The following CSMD1 variants were observed in gnomAD, a reference collection of about 807,000 sequenced individuals.
CSMD1 encodes CUB and Sushi multiple domains 1.
A neutral mutation model predicts 417.5 loss-of-function variants in CSMD1; 213 were observed. The observed-to-expected ratio is 0.51, with a 90% confidence interval of 0.46 to 0.57. The LOEUF is 0.57. CSMD1 is among the 20% of genes least tolerant of loss of function. CSMD1 has a pLI of 0.00. For synonymous variants in CSMD1, 2,862 were observed against 1,736.8 expected, an observed-to-expected ratio of 1.65 and a Z score of -16.11; for missense variants, 6,923 against 4,529.7, an observed-to-expected ratio of 1.53 and a Z score of -15.17.
At chr8:3,018,014 T>A (rs191223538) in intron 52 of CSMD1, among the ~76,000 whole-genome samples, 1 of 152,152 alleles carries the variant, frequency 6.6e-6, no homozygotes, top group African/African-American at 2.4e-5. Context: ...ATCCATTTTT[T>A]AAATTATGCA....
At chr8:3,668,547 C>A (rs992157452) in intron 7 of CSMD1, among the ~76,000 whole-genome samples, 1 of 152,078 alleles carries the variant, frequency 6.6e-6, no homozygotes, top group African/African-American at 2.4e-5. Flanking sequence ...TTCCTTACCA[C>A]AGGTAATATG....
intron 23 of CSMD1, among the ~76,000 whole-genome samples, chr8:3,326,755 G>A (rs1438978182): frequency 1.3e-5 from 2 of 152,100 alleles, no homozygotes; most frequent in Non-Finnish European, 2.9e-5. Context: ...CTCATCTATT[G>A]TGATATTTCC....
chr8:4,460,629 A>G (rs1799755456), intron 2 of CSMD1, among the ~76,000 whole-genome samples: 1 of 152,156 alleles, frequency 6.6e-6, no homozygotes, highest in African/African-American at 2.4e-5. Context: ...GGTAGAGAAT[A>G]TTACTATGGA....
At chr8:4,498,231 C>A (rs1802074561) in intron 2 of CSMD1, among the ~76,000 whole-genome samples, 1 of 152,154 alleles carries the variant, frequency 6.6e-6, no homozygotes, top group Admixed American at 6.5e-5. Context: ...TGTTGGCTGA[C>A]TCAACTCTTG....
intron 50 of CSMD1, among the ~76,000 whole-genome samples, chr8:3,031,319 T>TG (rs1194696506): frequency 4.2e-5 from 2 of 47,990 alleles, no homozygotes; most frequent in South Asian, 8.8e-4. Context: ...TGTTGTGGGG[T>TG]GGGGGGAGGG....
rs552147821 is a variant in CSMD1, at chr8:3,932,129, G to T, written c.818+65774C>A. Among the ~76,000 whole-genome samples, 18 of 150,256 alleles carry T rather than the reference G, an allele frequency of 1.2e-4. 1 individual carries two copies. The highest frequency in any genetic ancestry group is 2.5e-4 in the Non-Finnish European group (17 of 67,446). On this transcript the variant is annotated intron_variant, in intron 5 of 69. Transcript: ENST00000635120. ...ATTCTTGAAAGTAGATGATTTTATG[G>T]CTTATATATTGAGGACAGTGCTGGA...
chr8:3,856,317 T>A (rs1266933613), intron 5 of CSMD1, among the ~76,000 whole-genome samples: 1 of 152,184 alleles, frequency 6.6e-6, no homozygotes, highest in Non-Finnish European at 1.5e-5. Flanking sequence ...GTAAGTTTCT[T>A]GAGGCTGCCC....
intron 5 of CSMD1, among the ~76,000 whole-genome samples, chr8:3,909,104 A>T (rs1458521789): frequency 6.6e-6 from 1 of 152,182 alleles, no homozygotes; most frequent in Non-Finnish European, 1.5e-5. Context: ...ACTGGGCTGG[A>T]GACAACTAAA....
At chr8:3,277,592 T>A (rs1024023617) in intron 26 of CSMD1, among the ~76,000 whole-genome samples, 6 of 152,226 alleles carry the variant, frequency 3.9e-5, no homozygotes, top group African/African-American at 1.2e-4. Flanking sequence ...ACTGGCAGGA[T>A]GGAGTTGACT....
At chr8:4,886,118 G>T (rs905796003) in intron 1 of CSMD1, among the ~76,000 whole-genome samples, 12 of 152,050 alleles carry the variant, frequency 7.9e-5, no homozygotes, top group Admixed American at 6.5e-4. Flanking sequence ...AGCCTCCTGA[G>T]TAGCTGAGAC....
chr8:4,705,447 A>G (rs1807870014), intron 1 of CSMD1, among the ~76,000 whole-genome samples: 1 of 152,204 alleles, frequency 6.6e-6, no homozygotes, highest in African/African-American at 2.4e-5. Context: ...CTGTCATTCA[A>G]AAGTGTGCTC....
chr8:4,127,620 G>C (rs1403222703), intron 3 of CSMD1, among the ~76,000 whole-genome samples: 1 of 151,922 alleles, frequency 6.6e-6, no homozygotes, highest in African/African-American at 2.4e-5. Context: ...AACACCCAAA[G>C]TACCTGTATG....
In CSMD1 at chr8:3,000,113, G is replaced by A. The variant is rs754938061; in HGVS notation, c.8048C>T (p.Pro2683Leu). 1 of 1,557,394 alleles carries A rather than the reference G, an allele frequency of 6.4e-7. No individual in the cohort carries two copies. The change falls in exon 53 of 70, where the codon CCA becomes CTA. Residue 2683 changes from proline (P) to leucine (L), a missense_variant. Physicochemically the swap from Pro to Leu is moderately conservative, Grantham distance 98. Coordinates refer to ENST00000635120, the MANE Select transcript of CSMD1 (RefSeq NM_033225.6). Reference sequence around the variant, plus strand: ...AATGTGACCGTTCACAATCGGGTCTGGGGAACCGCAGTGGCCAGCTAAAAA... The same window carrying A: ...AATGTGACCGTTCACAATCGGGTCTAGGGAACCGCAGTGGCCAGCTAAAAA... The part of the protein sequence containing the change: ...TRCLAGHCGS[P>L]DPIVNGHISG...
intron 49 of CSMD1, among the ~76,000 whole-genome samples, chr8:3,066,664 G>T (rs78805524): frequency 1.3e-5 from 2 of 152,082 alleles, no homozygotes; most frequent in East Asian, 3.9e-4. Context: ...GGACACAATC[G>T]TATTTGTCAA....
chr8:3,410,464 T>G (rs1342796700), intron 12 of CSMD1, among the ~76,000 whole-genome samples: 1 of 152,142 alleles, frequency 6.6e-6, no homozygotes, highest in Non-Finnish European at 1.5e-5. Flanking sequence ...GTCTTTCCTG[T>G]GCTGTTCTCA....
intron 9 of CSMD1, among the ~76,000 whole-genome samples, chr8:3,585,399 A>C (rs1800558288): frequency 6.6e-6 from 1 of 152,224 alleles, no homozygotes. Context: ...CAAAACTACC[A>C]GTTTACATAA....
At chr8:3,241,364 TA>T (rs1431333771) in intron 26 of CSMD1, among the ~76,000 whole-genome samples, 1 of 151,560 alleles carries the variant, frequency 6.6e-6, no homozygotes, top group Non-Finnish European at 1.5e-5. Context: ...GTGGAGTGGG[TA>T]GCCTCCATAT....
chr8:3,662,357 C>A (rs1798462982), intron 7 of CSMD1, among the ~76,000 whole-genome samples: 1 of 152,182 alleles, frequency 6.6e-6, no homozygotes, highest in Non-Finnish European at 1.5e-5. Flanking sequence ...TCTCCCCACT[C>A]CTCCTCTCCT....
chr8:4,793,003 TATA>T (rs1797775993), intron 1 of CSMD1, among the ~76,000 whole-genome samples: 1 of 151,626 alleles, frequency 6.6e-6, no homozygotes, highest in Admixed American at 6.6e-5. Context: ...TATATATATA[TATA>T]TCTCCACACA....
Sources: gnomAD v4.1 joint callset for allele counts (sites outside exome capture counted in the v4.1 genomes callset) on GRCh38, gnomAD v4.1.1 for gene constraint, MANE v1.5 for transcripts, NCBI Gene and HGNC (gene_info 2026-07-23, HGNC 2026-07-21) for gene names.